Variants in PLA2G6 observed in about 807,000 individuals in gnomAD.
PLA2G6 encodes phospholipase A2 group VI, also known as 85/88 kDa calcium-independent phospholipase A2.
Under a neutral mutation model 83.8 loss-of-function variants are expected in PLA2G6, and 62 were observed. That is an observed-to-expected ratio of 0.74 (90% confidence interval 0.60 to 0.91). The LOEUF is 0.91. PLA2G6 is among the 40% of genes least tolerant of loss of function. The pLI, the probability that PLA2G6 is intolerant of heterozygous loss-of-function variation, is 0.00. For synonymous variants in PLA2G6, 417 were observed against 449.8 expected, an observed-to-expected ratio of 0.93 and a Z score of 0.92; for missense variants, 944 against 1,102.0, an observed-to-expected ratio of 0.86 and a Z score of 2.03.
rs143407290 is a variant in PLA2G6 at position 38,153,426 on chromosome 22, T to C, written c.210-7773A>G. ...GAAGCGACAGCCTTGTGTGTGATCT[T>C]TCTGCCTTCCCCAAGTTTGCATTTT... On this transcript the variant is annotated intron_variant, in intron 2 of 16. Coordinates refer to ENST00000332509, the MANE Select transcript of PLA2G6 (RefSeq NM_003560.4). 1.2e-4 allele frequency among the ~76,000 whole-genome samples: 18 copies of C among 152,260 alleles called. No individual in the cohort carries two copies. The East Asian group carries it at 3.5e-3, about 29-fold the overall frequency.
chr22:38,156,369 T>C (rs954166954), intron 2 of PLA2G6, among the ~76,000 whole-genome samples: 1 of 152,228 alleles, frequency 6.6e-6, no homozygotes, highest in African/African-American at 2.4e-5. Flanking sequence ...GGCTGCAGAA[T>C]ACACATTCTT....
At chr22:38,140,218 C>T (rs762729824) in intron 4 of PLA2G6, 49 bp from the exon 5 acceptor site, 14 of 1,573,816 alleles carry the variant, frequency 8.9e-6, no homozygotes, top group East Asian at 4.5e-5. Flanking sequence ...CTGATAAGAA[C>T]GTAAAGAGGC....
chr22:38,115,419 G>A (rs1308349732), intron 14 of PLA2G6, 108 bp downstream of exon 14: 2 of 980,104 alleles, frequency 2.0e-6, no homozygotes, highest in East Asian at 5.1e-5. Context: ...ATGAGTGCGT[G>A]TGTAAAAGCC....
In PLA2G6 at chr22:38,115,642, GC is replaced by G; in HGVS notation, c.1918del (p.Ala640LeufsTer26). 1 of 1,588,980 alleles carries G rather than the reference GC, an allele frequency of 6.3e-7. No individual in the cohort carries two copies. Among genetic ancestry groups the G allele is most frequent in the Non-Finnish European group, 8.6e-7 (1 of 1,169,082 alleles). ...CCCATTGGGTCGGAAGTAAGTAGGA[GC>G]TGCCCCGCTGCTTCGGGCCGCCCGC... ...VWRAARSSGA[A>X]PTYFRPNGRF... On this transcript the variant is annotated frameshift_variant, in exon 14 of 17. Coordinates refer to ENST00000332509, the MANE Select transcript of PLA2G6 (RefSeq NM_003560.4). LOFTEE classifies it high-confidence loss of function.
At chr22:38,172,559 C>T (rs894378178) in intron 1 of PLA2G6, among the ~76,000 whole-genome samples, 2 of 152,128 alleles carry the variant, frequency 1.3e-5, no homozygotes, top group Admixed American at 6.5e-5. Flanking sequence ...CTATGTAAAG[C>T]GATTATAGTT....
intron 9 of PLA2G6, 26 bp from the exon 10 acceptor site, chr22:38,126,475 T>C (rs1295453120): frequency 6.3e-7 from 1 of 1,585,660 alleles, no homozygotes; most frequent in African/African-American, 1.3e-5. Context: ...CAGGGCATGC[T>C]GTGGTCAGGT....
intron 12 of PLA2G6, among the ~76,000 whole-genome samples, chr22:38,118,099 T>A (rs557174562): frequency 6.6e-6 from 1 of 152,068 alleles, no homozygotes; most frequent in South Asian, 2.1e-4. Flanking sequence ...TGATTCCACT[T>A]ACATAAGGTA....
intron 12 of PLA2G6, among the ~76,000 whole-genome samples, chr22:38,118,273 T>C (rs1470537593): frequency 6.6e-6 from 1 of 152,142 alleles, no homozygotes; most frequent in Non-Finnish European, 1.5e-5. Flanking sequence ...GTGTGGAGCT[T>C]AATTGGTTTG....
intron 1 of PLA2G6, among the ~76,000 whole-genome samples, chr22:38,176,648 A>C (rs144432302): frequency 2.8e-3 from 433 of 152,238 alleles, no homozygotes; most frequent in African/African-American, 0.01. Flanking sequence ...GGAGCATGCC[A>C]CCACACACCG....
chr22:38,169,173 G>T, intron 2 of PLA2G6, 45 bp downstream of exon 2: 1 of 1,441,026 alleles, frequency 6.9e-7, no homozygotes, highest in Non-Finnish European at 9.7e-7. Context: ...CCGAGACGTG[G>T]GGGAGTGAAA....
intron 2 of PLA2G6, chr22:38,149,183 G>C (rs368596408): frequency 2.0e-5 from 3 of 152,062 alleles, no homozygotes; most frequent in Non-Finnish European, 4.4e-5. Flanking sequence ...TTATTTCTAC[G>C]AGCATACTTG....
intron 6 of PLA2G6, 73 bp from the exon 7 acceptor site, chr22:38,133,086 G>T: frequency 7.2e-7 from 1 of 1,385,056 alleles, no homozygotes; most frequent in Non-Finnish European, 9.9e-7. Context: ...CGTGGGCACT[G>T]CCACTTCTGC....
At chr22:38,124,348 G>A (rs1002321269) in intron 10 of PLA2G6, among the ~76,000 whole-genome samples, 1 of 152,082 alleles carries the variant, frequency 6.6e-6, no homozygotes, top group Non-Finnish European at 1.5e-5. Context: ...TAGGTGACGG[G>A]AACCAAGTCA....
At chr22:38,137,591 T>C (rs2088636470) in intron 5 of PLA2G6, 1 of 152,218 alleles carries the variant, frequency 6.6e-6, no homozygotes, top group African/African-American at 2.4e-5. Context: ...CCCAGCATGT[T>C]GGGAGGGCGA....
intron 2 of PLA2G6, among the ~76,000 whole-genome samples, chr22:38,167,208 A>G (rs1483203211): frequency 6.8e-6 from 1 of 146,970 alleles, no homozygotes; most frequent in African/African-American, 2.6e-5. Flanking sequence ...AGCCTGGGTG[A>G]CAGAGCGAGA....
intron 12 of PLA2G6, among the ~76,000 whole-genome samples, chr22:38,120,334 T>C (rs1170699400): frequency 6.6e-6 from 1 of 152,094 alleles, no homozygotes; most frequent in Non-Finnish European, 1.5e-5. Context: ...TGTGAGAAAA[T>C]GTTTAGCCGT....
Position 38,123,064 on chromosome 22 carries a change from G to C in PLA2G6, c.1591+31C>G. On this transcript the variant is annotated intron_variant, in intron 11 of 16. Coordinates refer to ENST00000332509, the MANE Select transcript of PLA2G6 (RefSeq NM_003560.4). This position sits in a 1 kb window ranked among gnomAD's most constrained non-coding sequence, Gnocchi z 4.1. Reference sequence around the variant, plus strand: ...CCTTGAGGACACAGGTCTCAGCCCCGCCTGGCCCCATCCCCAGGGGCCGCC... The same window carrying C: ...CCTTGAGGACACAGGTCTCAGCCCCCCCTGGCCCCATCCCCAGGGGCCGCC... The C allele has an allele frequency of 6.5e-7, 1 of 1,542,984 alleles. No homozygotes were observed. The highest frequency in any genetic ancestry group is 8.7e-7 in the Non-Finnish European group (1 of 1,144,552).
At chr22:38,163,856 C>T (rs2090115060) in intron 2 of PLA2G6, among the ~76,000 whole-genome samples, 1 of 151,986 alleles carries the variant, frequency 6.6e-6, no homozygotes. Flanking sequence ...GAGGAGCTGG[C>T]CCCAGAGTAC....
chr22:38,132,466 G>A lies in PLA2G6; in HGVS notation c.1077+365C>T. 1 of 374,960 alleles carries A rather than the reference G, an allele frequency of 2.7e-6. No individual in the cohort carries two copies. Among genetic ancestry groups the A allele is most frequent in the South Asian group, 2.7e-5 (1 of 36,838 alleles). The allele number at this position is 374,960 out of a possible 1,614,324, so 23.2% of individuals were successfully genotyped here. Reference sequence around the variant, plus strand: ...CCATAACTTTTCCACAACTCTTCCAGATAAGTATTGACACCACCATTTTCC... The same window carrying A: ...CCATAACTTTTCCACAACTCTTCCAAATAAGTATTGACACCACCATTTTCC... On this transcript the variant is annotated intron_variant, in intron 7 of 16. Coordinates refer to ENST00000332509, the MANE Select transcript of PLA2G6 (RefSeq NM_003560.4). The surrounding 1 kb of genome is among the most constrained non-coding windows in gnomAD (Gnocchi z 5.0).
Sources: allele counts gnomAD v4.1 joint callset (sites outside exome capture counted in the v4.1 genomes callset), GRCh38; gene constraint gnomAD v4.1.1; non-coding constraint Gnocchi (gnomAD v3.1); transcripts MANE v1.5; gene names NCBI Gene and HGNC (gene_info 2026-07-23, HGNC 2026-07-21).